GRIN2B: variants seen among roughly 807,000 people sequenced by gnomAD.
GRIN2B encodes the protein glutamate ionotropic receptor NMDA type subunit 2B.
Under a neutral mutation model 114.5 loss-of-function variants are expected in GRIN2B, and 5 were observed. That is an observed-to-expected ratio of 0.04 (90% CI 0.02 to 0.09). The LOEUF (loss-of-function observed/expected upper bound fraction) is 0.09, where lower values mean the gene tolerates loss of function less well. Among genes scored for constraint, GRIN2B ranks in the 10% least tolerant of loss-of-function variants. GRIN2B has a pLI of 1.00. For missense variants in GRIN2B, 1,108 were observed against 1,943.5 expected (o/e 0.57, Z 8.08); for synonymous variants, 787 against 745.1 (o/e 1.06, Z -0.92).
intron 9 of GRIN2B, among the ~76,000 whole-genome samples, chr12:13,609,788 A>AAG (rs1555111129): frequency 6.6e-6 from 1 of 151,636 alleles, no homozygotes; most frequent in African/African-American, 2.4e-5. Flanking sequence ...AAAAAAAAAA[A>AAG]GAATATCAGG....
chr12:13,590,386 C>T (rs978108352), intron 10 of GRIN2B, among the ~76,000 whole-genome samples: 2 of 152,096 alleles, frequency 1.3e-5, no homozygotes, highest in African/African-American at 2.4e-5. Flanking sequence ...CTCTCCCTCC[C>T]CTAGCCCCCC....
intron 3 of GRIN2B, among the ~76,000 whole-genome samples, chr12:13,766,710 C>T (rs1261733378): frequency 6.6e-6 from 1 of 152,180 alleles, no homozygotes. Context: ...AGTTAAAAAA[C>T]CTTTTTCTCT....
At chr12:13,674,710 G>A (rs1386535612) in intron 5 of GRIN2B, among the ~76,000 whole-genome samples, 2 of 152,092 alleles carry the variant, frequency 1.3e-5, no homozygotes, top group Non-Finnish European at 2.9e-5. Context: ...ATCTGTGGAA[G>A]TTGTCTTAAA....
chr12:13,812,677 C>T (rs1864754724), intron 3 of GRIN2B, among the ~76,000 whole-genome samples: 2 of 151,924 alleles, frequency 1.3e-5, no homozygotes, highest in Non-Finnish European at 2.9e-5. Context: ...AGAGCACAAC[C>T]TCTGAAAGAA....
chr12:13,770,931 C>A (rs1437276510), intron 3 of GRIN2B, among the ~76,000 whole-genome samples: 1 of 152,184 alleles, frequency 6.6e-6, no homozygotes, highest in African/African-American at 2.4e-5. Flanking sequence ...CTAGGTGCCT[C>A]AACTTTCTGA....
intron 3 of GRIN2B, among the ~76,000 whole-genome samples, chr12:13,812,930 ATTTT>A (rs34773248): frequency 8.4e-6 from 1 of 118,384 alleles, no homozygotes. Flanking sequence ...AGTTTTGGGA[ATTTT>A]TTTTTTTTTT....
At chr12:13,789,327 C>T (rs1404808580) in intron 3 of GRIN2B, among the ~76,000 whole-genome samples, 2 of 152,188 alleles carry the variant, frequency 1.3e-5, no homozygotes, top group Non-Finnish European at 2.9e-5. Flanking sequence ...TACCATTAAA[C>T]TAAGTGCATG....
chr12:13,865,176 A>G (rs1310865656), intron 3 of GRIN2B, among the ~76,000 whole-genome samples: 1 of 152,230 alleles, frequency 6.6e-6, no homozygotes, highest in Non-Finnish European at 1.5e-5. Flanking sequence ...ATAACAGAGT[A>G]TGCCTTTCAT....
In GRIN2B at chr12:13,564,006, C is replaced by T. The variant is rs756076031; in HGVS notation, c.3232G>A (p.Ala1078Thr). 3 of 1,614,114 alleles carry T rather than the reference C, an allele frequency of 1.9e-6. No individual in the cohort carries two copies. The highest frequency in any genetic ancestry group is 2.2e-5 in the East Asian group (1 of 44,886). ...VTYGNIEGNA[A>T]KRRKQQYKDS... ...TTATATTGCTGCTTACGCCTCTTGG[C>T]GGCATTGCCCTCGATGTTCCCATAG... is the stretch of plus-strand genomic sequence containing the variant. Residue 1078 changes from alanine to threonine, a missense_variant, in exon 14 of 14, where the codon GCC becomes ACC. By Grantham distance (58) the Ala-to-Thr change is moderately conservative. This residue lies in a region of GRIN2B where 19 missense variants were observed against 62.0 expected (regional missense o/e 0.31). Coordinates refer to ENST00000609686, the MANE Select transcript of GRIN2B (RefSeq NM_000834.5). This position sits in a 1 kb window ranked among gnomAD's most constrained non-coding sequence, Gnocchi z 4.8.
intron 4 of GRIN2B, among the ~76,000 whole-genome samples, chr12:13,716,542 G>T (rs1950457555): frequency 6.6e-6 from 1 of 151,846 alleles, no homozygotes; most frequent in African/African-American, 2.4e-5. Context: ...TGTCACAGTG[G>T]ATGATGGCAA....
intron 10 of GRIN2B, among the ~76,000 whole-genome samples, chr12:13,577,275 G>C (rs149369280): frequency 1.3e-5 from 2 of 152,290 alleles, no homozygotes; most frequent in Admixed American, 1.3e-4. Context: ...CTTGCACAAG[G>C]GCAAAACAAT....
chr12:13,766,847 C>A (rs1043046773), intron 3 of GRIN2B, among the ~76,000 whole-genome samples: 1 of 152,168 alleles, frequency 6.6e-6, no homozygotes, highest in Non-Finnish European at 1.5e-5. Flanking sequence ...TTTCCTCTAG[C>A]CTTCCGACAG....
At chr12:13,703,814 C>CACTTGGGAATAATAAAT (rs1161280021) in intron 4 of GRIN2B, among the ~76,000 whole-genome samples, 12 of 152,120 alleles carry the variant, frequency 7.9e-5, no homozygotes, top group Non-Finnish European at 1.5e-5. Context: ...CATTTATTCC[C>CACTTGGGAATAATAAAT]AACTGCCTCT....
chr12:13,912,300 G>C (rs973428960), intron 2 of GRIN2B, among the ~76,000 whole-genome samples: 1 of 152,132 alleles, frequency 6.6e-6, no homozygotes, highest in African/African-American at 2.4e-5. Context: ...AAGCAAAAGA[G>C]AGGAGAAACA....
At chr12:13,609,886 C>G (rs866960350) in intron 9 of GRIN2B, 1 of 152,224 alleles carries the variant, frequency 6.6e-6, no homozygotes, top group Non-Finnish European at 1.5e-5. Flanking sequence ...GATTTCCCCC[C>G]ACCTAACCTT....
chr12:13,839,798 A>T (rs947372313), intron 3 of GRIN2B, among the ~76,000 whole-genome samples: 1 of 152,210 alleles, frequency 6.6e-6, no homozygotes. Flanking sequence ...AAGCCATCCA[A>T]CAGCATCAAT....
At chr12:13,736,698 A>G (rs1049508475) in intron 4 of GRIN2B, among the ~76,000 whole-genome samples, 1 of 152,158 alleles carries the variant, frequency 6.6e-6, no homozygotes, top group African/African-American at 2.4e-5. Context: ...GATATTTGCA[A>G]TCAAACCTTG....
intron 3 of GRIN2B, among the ~76,000 whole-genome samples, chr12:13,834,930 T>C (rs1865231098): frequency 6.6e-6 from 1 of 152,170 alleles, no homozygotes; most frequent in Non-Finnish European, 1.5e-5. Context: ...TTTTTTAAAC[T>C]CCCCAGGCAA....
At chr12:13,930,098 C>T (rs999851973) in intron 2 of GRIN2B, among the ~76,000 whole-genome samples, 3 of 152,192 alleles carry the variant, frequency 2.0e-5, no homozygotes, top group Admixed American at 6.5e-5. Context: ...GCAGGAGAAT[C>T]GCTTGAACCG....
Sources: allele counts gnomAD v4.1 joint callset (sites outside exome capture counted in the v4.1 genomes callset), GRCh38; gene constraint gnomAD v4.1.1; regional missense constraint gnomAD v4.1.1; non-coding constraint Gnocchi (gnomAD v3.1); transcripts MANE v1.5; gene names NCBI Gene and HGNC (gene_info 2026-07-23, HGNC 2026-07-21).